The following ARHGAP23 variants were observed in gnomAD, a reference collection of about 807,000 sequenced individuals.
ARHGAP23 encodes the protein Rho GTPase activating protein 23, also known as rho GTPase-activating protein 23.
ARHGAP23 carries 34 observed loss-of-function variants against 136.3 expected under a neutral mutation model. That is an observed-to-expected ratio of 0.25 (90% confidence interval 0.19 to 0.33). The LOEUF is 0.33. Ranked by LOEUF, ARHGAP23 falls within the 10% of genes least tolerant of loss-of-function variation. The probability of loss-of-function intolerance (pLI) is 1.00; values close to 1 mark genes in which losing one functional copy is unlikely to be tolerated. For missense variants in ARHGAP23, 1,808 were observed against 2,139.0 expected (o/e 0.85, Z 3.05); for synonymous variants, 832 against 920.5 (o/e 0.90, Z 1.74).
At chr17:38,458,056 G>A (rs1466795216) in intron 1 of ARHGAP23, 46 bp from the exon 2 acceptor site, 3 of 1,533,364 alleles carry the variant, frequency 2.0e-6, no homozygotes, top group Admixed American at 2.0e-5. Flanking sequence ...ACAGCCAGAA[G>A]TGTCAGCCAC....
chr17:38,473,907 TTTTA>T (rs2039826232), intron 11 of ARHGAP23, among the ~76,000 whole-genome samples: 1 of 151,752 alleles, frequency 6.6e-6, no homozygotes, highest in South Asian at 2.1e-4. Flanking sequence ...CTGTCCAGGG[TTTTA>T]TTATTTTATT....
Position 38,436,266 on chromosome 17 carries a change from C to T in ARHGAP23, c.63+7718C>T, listed in dbSNP as rs2038795255. ...GGAGAAACAGCCCCTCTTCCTTCCC[C>T]ACTGGGAGCTTTTTCTTCTCCAGTG... On this transcript the variant is annotated intron_variant, in intron 1 of 23. Coordinates refer to ENST00000622683, the MANE Select transcript of ARHGAP23 (RefSeq NM_001199417.2). 2.6e-5 allele frequency among the ~76,000 whole-genome samples: 4 copies of T among 152,194 alleles called. No individual in the cohort carries two copies. The South Asian group carries it at 8.3e-4, about 31-fold the overall frequency.
At chr17:38,487,988 A>G (rs1249501225) in intron 17 of ARHGAP23, among the ~76,000 whole-genome samples, 1 of 152,088 alleles carries the variant, frequency 6.6e-6, no homozygotes, top group African/African-American at 2.4e-5. Flanking sequence ...TGCAGCCTCA[A>G]CCTCCTGGGC....
intron 3 of ARHGAP23, 69 bp downstream of exon 3, chr17:38,461,001 TC>T: frequency 1.3e-6 from 2 of 1,520,758 alleles, no homozygotes; most frequent in Non-Finnish European, 1.8e-6. Context: ...CTCCCTGTCC[TC>T]CCCTAAGACT....
intron 1 of ARHGAP23, among the ~76,000 whole-genome samples, chr17:38,436,850 G>A (rs2038809154): frequency 6.6e-6 from 1 of 152,214 alleles, no homozygotes; most frequent in South Asian, 2.1e-4. Flanking sequence ...GTTGGAAAGT[G>A]AGTGTGGTCA....
intron 20 of ARHGAP23, among the ~76,000 whole-genome samples, chr17:38,497,037 A>G (rs1384612170): frequency 6.6e-6 from 1 of 152,120 alleles, no homozygotes; most frequent in African/African-American, 2.4e-5. Context: ...TTCCTTCAAC[A>G]CGTCAAAACT....
intron 14 of ARHGAP23, 124 bp downstream of exon 14, chr17:38,480,007 G>A (rs1183766462): frequency 1.1e-5 from 15 of 1,363,624 alleles, no homozygotes; most frequent in South Asian, 1.4e-5. Flanking sequence ...CAGGGCTACC[G>A]GTATGTCTGT....
chr17:38,488,314 CT>C (rs1259378225), intron 17 of ARHGAP23, among the ~76,000 whole-genome samples: 3 of 152,122 alleles, frequency 2.0e-5, no homozygotes, highest in South Asian at 4.1e-4. Flanking sequence ...GAGATTAAAT[CT>C]TTTTTCATTA....
At chr17:38,465,520 G>A (rs994475792) in intron 6 of ARHGAP23, among the ~76,000 whole-genome samples, 1 of 152,220 alleles carries the variant, frequency 6.6e-6, no homozygotes, top group Non-Finnish European at 1.5e-5. Context: ...GGGCCTGGGC[G>A]CTGGCCCTGT....
intron 22 of ARHGAP23, among the ~76,000 whole-genome samples, chr17:38,499,549 C>G (rs1351318897): frequency 1.3e-5 from 2 of 152,144 alleles, no homozygotes; most frequent in Admixed American, 1.3e-4. Flanking sequence ...CATTTCTGTT[C>G]GTCTCTGACA....
At chr17:38,467,856 T>C (rs116567292) in intron 7 of ARHGAP23, among the ~76,000 whole-genome samples, 2,535 of 152,308 alleles carry the variant, frequency 0.017, 80 homozygotes, top group African/African-American at 0.058. Context: ...CTTTGTATCT[T>C]TCCCTCTTTG....
intron 10 of ARHGAP23, 122 bp from the exon 11 acceptor site, chr17:38,471,741 A>C: frequency 2.6e-6 from 3 of 1,172,612 alleles, no homozygotes; most frequent in Non-Finnish European, 1.2e-6. Flanking sequence ...GAGGTCGCAC[A>C]GCACATCGGG....
intron 1 of ARHGAP23, among the ~76,000 whole-genome samples, chr17:38,444,345 G>C (rs1219549270): frequency 2.0e-5 from 3 of 152,056 alleles, no homozygotes; most frequent in African/African-American, 7.2e-5. Flanking sequence ...TTCATTGTGC[G>C]GGCTCATTTC....
chr17:38,437,136 C>T (rs746053097), intron 1 of ARHGAP23, among the ~76,000 whole-genome samples: 3 of 152,026 alleles, frequency 2.0e-5, no homozygotes, highest in Admixed American at 6.6e-5. Context: ...CAAGCTGGGC[C>T]AGGCATGGTG....
In ARHGAP23 at chr17:38,493,194, C is replaced by CTT. The variant is rs60372950; in HGVS notation, c.3276+1670_3276+1671dup. Among the ~76,000 whole-genome samples the CTT allele has an allele frequency of 2.3e-5, 3 of 133,150 alleles. No homozygotes were observed. In the East Asian group the frequency reaches 7.4e-4, roughly 33 times the overall value. The allele number at this position is 133,150 out of a possible 152,430, so 87.4% of individuals were successfully genotyped here. ...TTCTCTTTCTCTCTCTCTCTTTTCG[C>CTT]TTTTTTTTTGTTTTTTTGTTTTTTT... On this transcript the variant is annotated intron_variant, in intron 20 of 23. Coordinates refer to ENST00000622683, the MANE Select transcript of ARHGAP23 (RefSeq NM_001199417.2).
intron 1 of ARHGAP23, among the ~76,000 whole-genome samples, chr17:38,444,341 G>T (rs2038983884): frequency 6.6e-6 from 1 of 152,102 alleles, no homozygotes; most frequent in Admixed American, 6.5e-5. Flanking sequence ...ACCCTTCATT[G>T]TGCGGGCTCA....
rs1443490591 is a variant in ARHGAP23 at position 38,480,006 on chromosome 17, C to A, written c.2629+123C>A. ...GTGCCTGACTGTGTGCCAGGGCTACCGGTATGTCTGTCTGCGTGTGCATGC... is the reference window on the plus strand; with the variant it reads ...GTGCCTGACTGTGTGCCAGGGCTACAGGTATGTCTGTCTGCGTGTGCATGC... On this transcript the variant is annotated intron_variant, in intron 14 of 23. Transcript: ENST00000622683. 1 of 1,367,228 alleles carries A rather than the reference C, an allele frequency of 7.3e-7. No individual in the cohort carries two copies. The highest frequency in any genetic ancestry group is 1.0e-6 in the Non-Finnish European group (1 of 1,004,976). The allele number at this position is 1,367,228 out of a possible 1,614,324, so 84.7% of individuals were successfully genotyped here.
chr17:38,493,825 C>G (rs2040331645), intron 20 of ARHGAP23, among the ~76,000 whole-genome samples: 1 of 152,220 alleles, frequency 6.6e-6, no homozygotes, highest in Non-Finnish European at 1.5e-5. Context: ...GGAGAGCAAA[C>G]CTGGGTGTCT....
intron 1 of ARHGAP23, among the ~76,000 whole-genome samples, chr17:38,438,433 T>G (rs576942219): frequency 1.3e-5 from 2 of 151,568 alleles, no homozygotes; most frequent in Non-Finnish European, 2.9e-5. Context: ...CAAGGAGGCA[T>G]GAACCAGCTT....
Sources: gnomAD v4.1 joint callset for allele counts (sites outside exome capture counted in the v4.1 genomes callset) on GRCh38, gnomAD v4.1.1 for gene constraint, MANE v1.5 for transcripts, NCBI Gene and HGNC (gene_info 2026-07-23, HGNC 2026-07-21) for gene names.